Variants in TOGARAM1 observed in about 807,000 individuals in gnomAD.
TOGARAM1 encodes the protein TOG array regulator of axonemal microtubules 1.
A neutral mutation model predicts 166.6 loss-of-function variants in TOGARAM1; 100 were observed. The ratio of observed to expected loss-of-function variants is 0.60; its 90% confidence interval spans 0.51 to 0.71. The LOEUF (loss-of-function observed/expected upper bound fraction) is 0.71, where lower values mean the gene tolerates loss of function less well. Ranked by LOEUF, TOGARAM1 falls within the 30% of genes least tolerant of loss-of-function variation. The pLI, the probability that TOGARAM1 is intolerant of heterozygous loss-of-function variation, is 0.00. For synonymous variants in TOGARAM1, 758 were observed against 763.8 expected (o/e 0.99, Z 0.13); for missense variants, 2,029 against 2,102.7 (o/e 0.96, Z 0.69).
In TOGARAM1 at chr14:45,054,563, A is replaced by G. The variant is rs766284288; in HGVS notation, c.4559+14A>G. The G allele has an allele frequency of 1.3e-6, 2 of 1,535,338 alleles. No homozygotes were observed. The highest frequency in any genetic ancestry group is 2.3e-5 in the East Asian group (1 of 44,300). ...TTCAGCTGAAAGGTAAGATGATGTA[A>G]TAGTCCTCATCAGAGAAATTACTCC... On this transcript the variant is annotated intron_variant, in intron 16 of 19. Transcript: ENST00000361462.
chr14:45,031,114 A>G (rs1183293838), intron 10 of TOGARAM1, among the ~76,000 whole-genome samples: 1 of 152,156 alleles, frequency 6.6e-6, no homozygotes, highest in Non-Finnish European at 1.5e-5. Flanking sequence ...TATATTTGTG[A>G]TTTCAGGTAA....
At chr14:44,988,679 T>A (rs1298907889) in intron 1 of TOGARAM1, among the ~76,000 whole-genome samples, 2 of 152,168 alleles carry the variant, frequency 1.3e-5, no homozygotes, top group African/African-American at 4.8e-5. Context: ...CTGAGTGTGT[T>A]TGGATTTAAT....
chr14:44,995,679 A>G (rs1156544168), intron 1 of TOGARAM1, 67 bp from the exon 2 acceptor site: 4 of 1,123,252 alleles, frequency 3.6e-6, no homozygotes, highest in Non-Finnish European at 5.0e-6. Flanking sequence ...GATCTAAGTT[A>G]TTTTGTCATA....
chr14:45,018,619 A>G (rs1463167326), intron 7 of TOGARAM1, among the ~76,000 whole-genome samples: 3 of 152,236 alleles, frequency 2.0e-5, no homozygotes, highest in African/African-American at 7.2e-5. Flanking sequence ...TTTTGTGGAC[A>G]TAACTCAAAT....
intron 1 of TOGARAM1, among the ~76,000 whole-genome samples, chr14:44,970,286 C>T (rs566300637): frequency 5.7e-4 from 87 of 152,260 alleles, no homozygotes; most frequent in African/African-American, 2.0e-3. Context: ...AAATATCCTA[C>T]TTCTGTATGT....
intron 3 of TOGARAM1, 60 bp downstream of exon 3, chr14:44,999,557 A>G: frequency 2.9e-6 from 4 of 1,398,402 alleles, no homozygotes; most frequent in Non-Finnish European, 3.9e-6. Flanking sequence ...GGGGATTCCA[A>G]CACTAACTTA....
chr14:45,007,479 A>G (rs1054758686), intron 5 of TOGARAM1: 2 of 152,062 alleles, frequency 1.3e-5, no homozygotes, highest in Non-Finnish European at 2.9e-5. Flanking sequence ...TAACTTAAAT[A>G]TAGTTCTTTT....
intron 1 of TOGARAM1, among the ~76,000 whole-genome samples, chr14:44,992,102 C>G (rs1418941032): frequency 2.4e-5 from 2 of 83,988 alleles, no homozygotes; most frequent in Admixed American, 2.4e-4. Context: ...AAAAAAAAAA[C>G]CAAACCAAAA....
chr14:44,987,826 T>TTC (rs1255145940), intron 1 of TOGARAM1, among the ~76,000 whole-genome samples: 3 of 148,280 alleles, frequency 2.0e-5, no homozygotes, highest in Non-Finnish European at 4.5e-5. Flanking sequence ...TGTGGCACTA[T>TTC]TCACAATAGC....
intron 3 of TOGARAM1, among the ~76,000 whole-genome samples, chr14:45,002,313 G>C (rs894058243): frequency 6.6e-6 from 1 of 152,054 alleles, no homozygotes. Flanking sequence ...TTCCTGTTTA[G>C]GCTATCCCTG....
chr14:45,004,318 A>G lies in TOGARAM1; in HGVS notation c.2596A>G (p.Lys866Glu). The part of the protein sequence containing the change: ...FEGLSKPSPQ[K>E]KLVSQKSSDP... ...AGGACTATCAAAGCCAAGTCCACAG[A>G]AGAAGCTTGTCAGCCAAAAATCGTC... The change falls in exon 4 of 20, where the codon AAG (lysine) becomes GAG (glutamate). Residue 866 changes from lysine (K) to glutamate (E), a missense_variant. Physicochemically the swap from Lys to Glu is moderately conservative, Grantham distance 56. Coordinates refer to ENST00000361462, the MANE Select transcript of TOGARAM1 (RefSeq NM_001308120.2). The G allele has an allele frequency of 6.2e-7, 1 of 1,613,970 alleles. No homozygotes were observed. The highest frequency in any genetic ancestry group is 1.1e-5 in the South Asian group (1 of 91,078).
rs779531910 is a variant in TOGARAM1, at chr14:45,004,094, A to G, written c.2372A>G (p.Gln791Arg). The G allele has an allele frequency of 2.5e-6, 4 of 1,613,956 alleles. No individual in the cohort carries two copies. The highest frequency in any genetic ancestry group is 1.6e-4 in the Middle Eastern group (1 of 6,082). ...YASLNFGSKTQQTFGSQTECT... is the reference protein window; with the variant it reads ...YASLNFGSKTRQTFGSQTECT... ...AGCCTCAATTTTGGCAGTAAGACAC[A>G]GCAAACATTTGGTAGTCAAACAGAG... Residue 791 changes from glutamine to arginine, a missense_variant, in exon 4 of 20, where the codon CAG becomes CGG. Physicochemically the swap from Gln to Arg is conservative, Grantham distance 43 (BLOSUM62 1). This residue lies in a region of TOGARAM1 where 1,453 missense variants were observed against 1,432.2 expected (regional missense o/e 1.01). Coordinates refer to ENST00000361462, the MANE Select transcript of TOGARAM1 (RefSeq NM_001308120.2).
chr14:45,024,707 G>A (rs1019296327), intron 7 of TOGARAM1, among the ~76,000 whole-genome samples: 2 of 152,118 alleles, frequency 1.3e-5, no homozygotes. Flanking sequence ...GTTGATGTGT[G>A]TACTAATTTT....
intron 7 of TOGARAM1, among the ~76,000 whole-genome samples, chr14:45,017,871 C>T (rs1880248568): frequency 6.6e-6 from 1 of 151,976 alleles, no homozygotes; most frequent in Non-Finnish European, 1.5e-5. Flanking sequence ...ACAAGTGAAA[C>T]TCTGTCTCAA....
At chr14:44,980,044 CT>C (rs1886445345) in intron 1 of TOGARAM1, among the ~76,000 whole-genome samples, 1 of 152,140 alleles carries the variant, frequency 6.6e-6, no homozygotes, top group Non-Finnish European at 1.5e-5. Context: ...TATTTAGTAG[CT>C]GAAGCTGGCC....
chr14:45,005,113 C>G (rs1043037188), intron 4 of TOGARAM1, among the ~76,000 whole-genome samples: 1 of 151,600 alleles, frequency 6.6e-6, no homozygotes, highest in Non-Finnish European at 1.5e-5. Flanking sequence ...TGGTGTTTCT[C>G]CATGTTGGTG....
At chr14:44,964,951 T>TAAAAAAAAAAAAAAAAAAAAAAAGAA (rs35780816) in intron 1 of TOGARAM1, among the ~76,000 whole-genome samples, 3 of 85,898 alleles carry the variant, frequency 3.5e-5, no homozygotes, top group Admixed American at 1.3e-4. Flanking sequence ...ACTAGAAAAG[T>TAAAAAAAAAAAAAAAAAAAAAAAGAA]AAAAAAAAAA....
At chr14:45,017,171 T>C (rs996304491) in intron 7 of TOGARAM1, among the ~76,000 whole-genome samples, 1 of 152,222 alleles carries the variant, frequency 6.6e-6, no homozygotes, top group Non-Finnish European at 1.5e-5. Flanking sequence ...TCCCTAAGCA[T>C]ACTGATAAAG....
intron 14 of TOGARAM1, among the ~76,000 whole-genome samples, chr14:45,049,346 T>G (rs1882244028): frequency 6.6e-6 from 1 of 151,824 alleles, no homozygotes; most frequent in Non-Finnish European, 1.5e-5. Context: ...CACTGCAAGC[T>G]CCGCCTTCCG....
Sources: allele counts gnomAD v4.1 joint callset (sites outside exome capture counted in the v4.1 genomes callset), GRCh38; gene constraint gnomAD v4.1.1; regional missense constraint gnomAD v4.1.1; transcripts MANE v1.5; gene names NCBI Gene and HGNC (gene_info 2026-07-23, HGNC 2026-07-21).